SLC34A3: variants seen among roughly 807,000 people sequenced by gnomAD.
SLC34A3 encodes the protein solute carrier family 34 member 3, also known as sodium-dependent phosphate transport protein 2C.
SLC34A3 carries 60 observed loss-of-function variants against 43.9 expected under a neutral mutation model. The observed-to-expected ratio is 1.37, with a 90% CI of 1.11 to 1.70. The LOEUF is 1.70. SLC34A3 is among the 40% of genes most tolerant of loss of function. The pLI is 0.00. For missense variants in SLC34A3, 969 were observed against 823.8 expected (o/e 1.18, Z -2.16); for synonymous variants, 451 against 386.2 (o/e 1.17, Z -1.97).
At chr9:137,232,958 G>T (rs370354160) in intron 5 of SLC34A3, 31 bp downstream of exon 5, 253 of 1,606,502 alleles carry the variant, frequency 1.6e-4, no homozygotes, top group Non-Finnish European at 2.0e-4. Context: ...CGGGTGGTGG[G>T]GGGGGCAGGG....
At chr9:137,233,767 C>T in intron 8 of SLC34A3, 45 bp downstream of exon 8, 1 of 1,596,664 alleles carries the variant, frequency 6.3e-7, no homozygotes, top group South Asian at 1.1e-5. Flanking sequence ...CAACCTCCCA[C>T]CTGCTGAGTC....
intron 7 of SLC34A3, 62 bp from the exon 8 acceptor site, chr9:137,233,571 A>G: frequency 6.3e-7 from 1 of 1,581,526 alleles, no homozygotes; most frequent in Non-Finnish European, 8.7e-7. Flanking sequence ...CGCGGGCGCC[A>G]GAGCCCCGGG....
In SLC34A3 at chr9:137,233,439, G is replaced by A. The variant is rs561646430; in HGVS notation, c.756+35G>A. 1.1e-5 allele frequency: 18 copies of A among 1,590,538 alleles called. No individual in the cohort carries two copies. In the East Asian group the frequency reaches 3.5e-4, roughly 31 times the overall value. On this transcript the variant is annotated intron_variant, in intron 7 of 12. Coordinates refer to ENST00000673835, the MANE Select transcript of SLC34A3 (RefSeq NM_001177316.2). ...GCCACCGCCCCCGCCCAGAGAGCCT[G>A]AGCAGGCCGGATGGGAGGAGGGGAG...
chr9:137,232,097 G>A lies in SLC34A3; in HGVS notation c.111G>A (p.Leu37=), dbSNP rs1836254258. 3.1e-6 allele frequency: 5 copies of A among 1,613,262 alleles called. No homozygotes were observed. Among genetic ancestry groups the A allele is most frequent in the East Asian group, 2.2e-5 (1 of 44,888 alleles). ...GGACCTCCAGTTCTGCTCCAGTCTT[G>A]GAGGAAGGGGACACAGACCCCTGGA... is the stretch of plus-strand genomic sequence containing the variant. ...NEGTSSSAPV[L]EEGDTDPWTL... is the part of the protein sequence containing the mutation. The change falls in exon 3 of 13, where the codon TTG becomes TTA. Residue 37 remains leucine, a synonymous_variant. Transcript: ENST00000673835.
Position 137,236,147 on chromosome 9 carries a change from G to A in SLC34A3, c.1531G>A (p.Gly511Ser). ...LAAFGLSLAG[G>S]MELAAVGGPL... ...GGCCTTCGGGCTCTCCCTGGCAGGG[G>A]GCATGGAGCTGGCCGCTGTCGGGGG... The change falls in exon 13 of 13, where the codon GGC (glycine) becomes AGC (serine). Residue 511 changes from glycine (G) to serine (S), a missense_variant. By Grantham distance (56) the Gly-to-Ser change is moderately conservative. Coordinates refer to ENST00000673835, the MANE Select transcript of SLC34A3 (RefSeq NM_001177316.2). The A allele has an allele frequency of 6.2e-7, 1 of 1,610,442 alleles. No homozygotes were observed. The highest frequency in any genetic ancestry group is 1.1e-5 in the South Asian group (1 of 91,000).
Position 137,236,302 on chromosome 9 carries a change from G to C in SLC34A3, c.1686G>C (p.Trp562Cys). The C allele has an allele frequency of 1.3e-6, 2 of 1,542,906 alleles. No homozygotes were observed. The highest frequency in any genetic ancestry group is 1.7e-6 in the Non-Finnish European group (2 of 1,146,742). Residue 562 changes from tryptophan (W) to cysteine (C), a missense_variant, in exon 13 of 13, where the codon TGG (tryptophan) becomes TGC (cysteine). Physicochemically the swap from Trp to Cys is radical, Grantham distance 215. Transcript: ENST00000673835. ...TCTGGCTCCATTCTCTGGAGCCCTGGGACCGCCTGGTGACCCGCTGCTGCC... is the reference window on the plus strand; with the variant it reads ...TCTGGCTCCATTCTCTGGAGCCCTGCGACCGCCTGGTGACCCGCTGCTGCC... ...LPVWLHSLEP[W>C]DRLVTRCCPC...
At position 137,231,650 on chromosome 9, in the gene SLC34A3, G is replaced by A. The variant is rs981104621; in HGVS notation, c.-39-14G>A. 20 of 1,433,696 alleles carry A rather than the reference G, an allele frequency of 1.4e-5. No individual in the cohort carries two copies. The East Asian group carries it at 3.6e-4, about 26-fold the overall frequency. 88.8% of individuals were successfully genotyped at this position (1,433,696 alleles called of 1,614,324 possible). Reference sequence around the variant, plus strand: ...AGGAGGAAATGTCTCTGACACGCGCGTCCCCCCCAGCAGATCTAGACCTGG... The same window carrying A: ...AGGAGGAAATGTCTCTGACACGCGCATCCCCCCCAGCAGATCTAGACCTGG... On this transcript the variant is annotated splice_polypyrimidine_tract_variant and intron_variant, in intron 1 of 12. Coordinates refer to ENST00000673835, the MANE Select transcript of SLC34A3 (RefSeq NM_001177316.2).
intron 7 of SLC34A3, 82 bp from the exon 8 acceptor site, chr9:137,233,551 G>C: frequency 6.4e-7 from 1 of 1,560,180 alleles, no homozygotes; most frequent in South Asian, 1.1e-5. Context: ...GGCAGGGCTG[G>C]GCTGGACCCC....
At chr9:137,233,744 C>T (rs748597710) in intron 8 of SLC34A3, 22 bp downstream of exon 8, 3 of 1,610,274 alleles carry the variant, frequency 1.9e-6, no homozygotes, top group East Asian at 2.2e-5. Context: ...AACCCTAGGC[C>T]CTCACTGACC....
At chr9:137,231,369 C>G (rs1400455448) in intron 1 of SLC34A3, among the ~76,000 whole-genome samples, 1 of 152,192 alleles carries the variant, frequency 6.6e-6, no homozygotes, top group South Asian at 2.1e-4. Context: ...CAGCTCATGG[C>G]CTGCACCCTC....
chr9:137,233,627 C>G lies in SLC34A3; in HGVS notation c.757-6C>G. The G allele has an allele frequency of 6.2e-7, 1 of 1,612,306 alleles. No homozygotes were observed. Among genetic ancestry groups the G allele is most frequent in the Non-Finnish European group, 8.5e-7 (1 of 1,179,470 alleles). ...AGCACACCGTCACGACCCCTCTGGCCCCCAGTTGGACTCCGACATGATCAT... is the reference window on the plus strand; with the variant it reads ...AGCACACCGTCACGACCCCTCTGGCGCCCAGTTGGACTCCGACATGATCAT... On this transcript the variant is annotated splice_region_variant and splice_polypyrimidine_tract_variant and intron_variant, in intron 7 of 12. Transcript: ENST00000673835.
At chr9:137,231,541 G>A in intron 1 of SLC34A3, 123 bp from the exon 2 acceptor site, 1 of 700,782 alleles carries the variant, frequency 1.4e-6, no homozygotes, top group East Asian at 2.5e-5. Context: ...GGCCTGCAGG[G>A]CGTAGAGAGG....
Position 137,236,410 on chromosome 9 carries a change from G to A in SLC34A3, c.1794G>A (p.Gln598=). 1.3e-6 allele frequency: 2 copies of A among 1,536,920 alleles called. No individual in the cohort carries two copies. Among genetic ancestry groups the A allele is most frequent in the African/African-American group, 1.4e-5 (1 of 73,138 alleles). The change falls in exon 13 of 13, where the codon CAG becomes CAA. Residue 598 remains glutamine (Q), a synonymous_variant. Transcript: ENST00000673835. ...YENPEILASQ[Q]L is the part of the protein sequence containing the mutation. ...ACCCTGAGATCTTGGCCTCCCAGCA[G>A]TTGTGACGGGCAGTTGCTGAGCAGA... is the stretch of plus-strand genomic sequence containing the variant.
At chr9:137,233,779 T>TGGGCCCCCCCCCCCCCCCCCCCCCCCC in intron 8 of SLC34A3, 57 bp downstream of exon 8, 1 of 1,445,826 alleles carries the variant, frequency 6.9e-7, no homozygotes, top group Non-Finnish European at 9.6e-7. Context: ...TGCTGAGTCA[T>TGGGCCCCCCCCCCCCCCCCCCCCCCCC]CCCGCCCCAC....
upstream of SLC34A3, among the ~76,000 whole-genome samples, chr9:137,229,841 G>A (rs961011491): frequency 6.6e-6 from 1 of 152,118 alleles, no homozygotes; most frequent in East Asian, 1.9e-4. Context: ...TTGAGGGGCC[G>A]GGGCTGGGGC....
Position 137,232,601 on chromosome 9 carries a change from C to A in SLC34A3, c.202C>A (p.Arg68Ser). 6.2e-7 allele frequency: 1 copy of A among 1,610,862 alleles called. No individual in the cohort carries two copies. Among genetic ancestry groups the A allele is most frequent in the Non-Finnish European group, 8.5e-7 (1 of 1,178,838 alleles). The change falls in exon 4 of 13, where the codon CGC (arginine) becomes AGC (serine). Residue 68 changes from arginine (R) to serine (S), a missense_variant. By Grantham distance (110) the Arg-to-Ser change is moderately radical (BLOSUM62 -1). Transcript: ENST00000673835. ...KELRVAGRLR[R>S]VAGSVLKACG... ...GCTCCGCGTGGCCGGCAGGCTGCGC[C>A]GCGTGGCCGGCAGCGTCCTCAAGGC...
chr9:137,235,882 G>A (rs1836565206), intron 12 of SLC34A3, 70 bp from the exon 13 acceptor site: 3 of 1,375,766 alleles, frequency 2.2e-6, no homozygotes, highest in South Asian at 1.2e-5. Flanking sequence ...GTGGAGGAGG[G>A]CAGGGGTCCG....
rs1588848397 is a variant in SLC34A3 at position 137,234,291 on chromosome 9, G to A, written c.1093+15G>A. ...CATCAATGCGGGTGAGGGCGTGGGA[G>A]GAGGTGCGGTGGCCAGGGCTGACCC... is the stretch of plus-strand genomic sequence containing the variant. On this transcript the variant is annotated intron_variant, in intron 10 of 12. Transcript: ENST00000673835. This position sits in a 1 kb window ranked among gnomAD's most constrained non-coding sequence, Gnocchi z 6.9. 1.9e-6 allele frequency: 3 copies of A among 1,609,486 alleles called. No individual in the cohort carries two copies. In the South Asian group the frequency reaches 3.3e-5, roughly 18 times the overall value.
In SLC34A3 at chr9:137,232,967, G is replaced by A. The variant is rs746785597; in HGVS notation, c.449-37G>A. On this transcript the variant is annotated intron_variant, in intron 5 of 12. Coordinates refer to ENST00000673835, the MANE Select transcript of SLC34A3 (RefSeq NM_001177316.2). ...CCTCCCCGGGTGGTGGGGGGGGCAG[G>A]GTGGGCCGCAGGCTGACTCAGCCCC... 5 of 1,607,548 alleles carry A rather than the reference G, an allele frequency of 3.1e-6. No homozygotes were observed. The South Asian group carries it at 4.4e-5, about 14-fold the overall frequency.
Sources: allele counts gnomAD v4.1 joint callset (sites outside exome capture counted in the v4.1 genomes callset), GRCh38; gene constraint gnomAD v4.1.1; non-coding constraint Gnocchi (gnomAD v3.1); transcripts MANE v1.5; gene names NCBI Gene and HGNC (gene_info 2026-07-23, HGNC 2026-07-21).